Variants in DGKG observed in about 807,000 individuals in gnomAD.
DGKG encodes DAG kinase gamma.
DGKG carries 78 observed loss-of-function variants against 105.3 expected under a neutral mutation model. The observed-to-expected ratio is 0.74, with a 90% CI of 0.62 to 0.89. DGKG has a LOEUF of 0.89. Ranked by LOEUF, DGKG falls within the 40% of genes least tolerant of loss-of-function variation. DGKG has a pLI of 0.00. For synonymous variants in DGKG, 346 were observed against 367.1 expected (o/e 0.94, Z 0.66); for missense variants, 958 against 1,020.1 (o/e 0.94, Z 0.83).
At chr3:186,287,499 G>A (rs757202465) in intron 6 of DGKG, among the ~76,000 whole-genome samples, 12 of 152,158 alleles carry the variant, frequency 7.9e-5, no homozygotes, top group Non-Finnish European at 1.2e-4. Flanking sequence ...GTAATAAAAA[G>A]TTTTAACATT....
chr3:186,259,032 G>A (rs1489176639), intron 16 of DGKG, among the ~76,000 whole-genome samples: 2 of 152,160 alleles, frequency 1.3e-5, no homozygotes, highest in Non-Finnish European at 2.9e-5. Context: ...GAAGAGCCCT[G>A]GAGCTTTCAG....
At chr3:186,327,333 C>T (rs1350636623) in intron 1 of DGKG, among the ~76,000 whole-genome samples, 2 of 151,110 alleles carry the variant, frequency 1.3e-5, no homozygotes, top group Non-Finnish European at 2.9e-5. Context: ...TATCTTATTT[C>T]CCCCTTTCCT....
intron 2 of DGKG, among the ~76,000 whole-genome samples, chr3:186,312,762 C>T (rs945009285): frequency 1.3e-5 from 2 of 152,166 alleles, no homozygotes; most frequent in African/African-American, 4.8e-5. Context: ...TGTGAGGGTC[C>T]TGAAAAATGT....
At chr3:186,323,043 C>T (rs752436858) in intron 1 of DGKG, among the ~76,000 whole-genome samples, 4 of 152,216 alleles carry the variant, frequency 2.6e-5, no homozygotes, top group Non-Finnish European at 5.9e-5. Context: ...TGACAACAGC[C>T]TCCTGCTGCT....
At chr3:186,161,462 T>C in intron 24 of DGKG, 141 bp downstream of exon 24, 3 of 1,469,234 alleles carry the variant, frequency 2.0e-6, no homozygotes, top group Non-Finnish European at 2.7e-6. Context: ...GGATGGATAA[T>C]AAAGTGGAAG....
At chr3:186,307,895 T>TA (rs1553817652) in intron 2 of DGKG, among the ~76,000 whole-genome samples, 4 of 151,420 alleles carry the variant, frequency 2.6e-5, no homozygotes, top group South Asian at 4.2e-4. Context: ...TTTTTTTTTT[T>TA]ACCTGATTTT....
chr3:186,200,093 T>C (rs2108510160), intron 21 of DGKG, among the ~76,000 whole-genome samples: 1 of 152,306 alleles, frequency 6.6e-6, no homozygotes, highest in East Asian at 1.9e-4. Context: ...AAATGGAGTG[T>C]ATCAAGAGAA....
intron 1 of DGKG, among the ~76,000 whole-genome samples, chr3:186,331,521 G>A (rs886349316): frequency 6.6e-5 from 10 of 152,152 alleles, no homozygotes; most frequent in Non-Finnish European, 1.3e-4. Flanking sequence ...TCATTTGAGA[G>A]GTACTTTGTA....
At chr3:186,197,131 G>T (rs1425219103) in intron 21 of DGKG, among the ~76,000 whole-genome samples, 1 of 152,128 alleles carries the variant, frequency 6.6e-6, no homozygotes, top group Non-Finnish European at 1.5e-5. Context: ...TCCTTTCTCA[G>T]CGAGTGAGAG....
At position 186,210,134 on chromosome 3, in the gene DGKG, G is replaced by C. The variant is rs1718963004; in HGVS notation, c.1917+1661C>G. Among the ~76,000 whole-genome samples, 1 of 152,198 alleles carries C rather than the reference G, an allele frequency of 6.6e-6. No homozygotes were observed. The highest frequency in any genetic ancestry group is 2.4e-5 in the African/African-American group (1 of 41,450). On this transcript the variant is annotated intron_variant, in intron 21 of 24. Coordinates refer to ENST00000265022, the MANE Select transcript of DGKG (RefSeq NM_001346.3). This position sits in a 1 kb window ranked among gnomAD's most constrained non-coding sequence, Gnocchi z 5.2. Reference sequence around the variant, plus strand: ...CCTGGAGCCGGGAGGGCAGGCCAGAGGCAGGGGAGCTGAGTTGCTGTATTC... The same window carrying C: ...CCTGGAGCCGGGAGGGCAGGCCAGACGCAGGGGAGCTGAGTTGCTGTATTC...
At chr3:186,158,255 C>A (rs1230991288) in intron 24 of DGKG, 1 of 730,664 alleles carries the variant, frequency 1.4e-6, no homozygotes, top group East Asian at 1.3e-4. Flanking sequence ...TAGTATTATT[C>A]ATTACATTTT....
At chr3:186,204,785 A>G (rs1718639525) in intron 21 of DGKG, among the ~76,000 whole-genome samples, 1 of 152,164 alleles carries the variant, frequency 6.6e-6, no homozygotes, top group South Asian at 2.1e-4. Flanking sequence ...CGATGTTGAG[A>G]AGAACTTGCT....
chr3:186,203,478 C>T lies in DGKG; in HGVS notation c.1917+8317G>A, dbSNP rs558465524. On this transcript the variant is annotated intron_variant, in intron 21 of 24. Transcript: ENST00000265022. This position sits in a 1 kb window ranked among gnomAD's most constrained non-coding sequence, Gnocchi z 4.9. ...TTTGTAATCGGGAAAAGAGGTTAGCCCACATATTAGGAGTAGCGGAAAGAA... is the reference window on the plus strand; with the variant it reads ...TTTGTAATCGGGAAAAGAGGTTAGCTCACATATTAGGAGTAGCGGAAAGAA... Among the ~76,000 whole-genome samples, 43 of 152,226 alleles carry T rather than the reference C, an allele frequency of 2.8e-4. 1 individual carries two copies. In the Middle Eastern group the frequency reaches 0.01, roughly 36 times the overall value.
intron 1 of DGKG, among the ~76,000 whole-genome samples, chr3:186,331,390 T>A (rs1725596469): frequency 6.6e-6 from 1 of 152,198 alleles, no homozygotes; most frequent in African/African-American, 2.4e-5. Context: ...AGTTTATGAG[T>A]GGTAAATATG....
At chr3:186,176,901 G>A (rs1717109280) in intron 22 of DGKG, among the ~76,000 whole-genome samples, 1 of 152,186 alleles carries the variant, frequency 6.6e-6, no homozygotes, top group East Asian at 1.9e-4. Flanking sequence ...AGAAGCCCCT[G>A]GTGATGGGGA....
At chr3:186,294,395 C>A (rs1723448737) in intron 5 of DGKG, among the ~76,000 whole-genome samples, 1 of 152,006 alleles carries the variant, frequency 6.6e-6, no homozygotes, top group African/African-American at 2.4e-5. Flanking sequence ...ATTAGCCTGG[C>A]CATGATGGCA....
rs149141346 is a variant in DGKG, at chr3:186,242,566, G to A, written c.1764C>T (p.Asp588=). 6.8e-4 allele frequency: 1,103 copies of A among 1,613,248 alleles called. No homozygotes were observed. Among genetic ancestry groups the A allele is most frequent in the Non-Finnish European group, 8.5e-4 (1,002 of 1,179,408 alleles). ...CATGGAATCTGTGTGCAATGGAAGC[G>A]TCCTGAAAGTGAAAGAGACAAAGCA... The part of the protein sequence containing the change: ...IMNNYFSIGV[D]ASIAHRFHVM... The change falls in exon 20 of 25, where the codon GAC becomes GAT. Residue 588 remains aspartate (D), a splice_region_variant and synonymous_variant. Transcript: ENST00000265022.
rs781001616 is a variant in DGKG at position 186,280,670 on chromosome 3, A to G, written c.669T>C (p.Pro223=). 4.3e-6 allele frequency: 7 copies of G among 1,613,038 alleles called. No individual in the cohort carries two copies. Among genetic ancestry groups the G allele is most frequent in the Non-Finnish European group, 5.9e-6 (7 of 1,179,118 alleles). Reference sequence around the variant, plus strand: ...CCACCCCATCCTTATAGAAACTCACAGGCCTCAGCTCTGTGGGATCCCACT... The same window carrying G: ...CCACCCCATCCTTATAGAAACTCACGGGCCTCAGCTCTGTGGGATCCCACT... ...YLEWDPTELR[P]ILKEMLQGMD... The change falls in exon 8 of 25, where the codon CCT becomes CCC. Residue 223 remains proline (P), a splice_region_variant and synonymous_variant. Coordinates refer to ENST00000265022, the MANE Select transcript of DGKG (RefSeq NM_001346.3).
rs369951403 is a variant in DGKG, at chr3:186,334,559, T to A, written c.-248-13852A>T. Among the ~76,000 whole-genome samples the A allele has an allele frequency of 2.0e-5, 3 of 152,308 alleles. No homozygotes were observed. The East Asian group carries it at 5.8e-4, about 29-fold the overall frequency. ...CCAGACAATATGTCCCTGGATGGCC[T>A]CCTCTACCCCAGAGGTGTCTAGAAC... On this transcript the variant is annotated intron_variant, in intron 1 of 24. Transcript: ENST00000265022.
Sources: allele counts gnomAD v4.1 joint callset (sites outside exome capture counted in the v4.1 genomes callset), GRCh38; gene constraint gnomAD v4.1.1; non-coding constraint Gnocchi (gnomAD v3.1); transcripts MANE v1.5; gene names NCBI Gene and HGNC (gene_info 2026-07-23, HGNC 2026-07-21).